Variants in RPL26L1 observed in about 807,000 individuals in gnomAD.
RPL26L1 encodes the protein ribosomal protein uL24-like.
RPL26L1 carries 8 observed loss-of-function variants against 15.2 expected under a neutral mutation model. The observed-to-expected ratio is 0.53, with a 90% CI of 0.31 to 0.95. The LOEUF is 0.95. RPL26L1 is among the 40% of genes least tolerant of loss of function. The pLI, the probability that RPL26L1 is intolerant of heterozygous loss-of-function variation, is 0.05. For missense variants in RPL26L1, 146 were observed against 190.9 expected, an observed-to-expected ratio of 0.76 and a Z score of 1.39; for synonymous variants, 51 against 65.9, an observed-to-expected ratio of 0.77 and a Z score of 1.09.
intron 2 of RPL26L1, among the ~76,000 whole-genome samples, chr5:172,966,369 C>T (rs1241067984): frequency 1.8e-5 from 2 of 108,300 alleles, no homozygotes; most frequent in African/African-American, 6.6e-5. Flanking sequence ...GCTATGTTGC[C>T]TCGGCTGGTC....
At chr5:172,966,152 A>T (rs1477727389) in intron 2 of RPL26L1, among the ~76,000 whole-genome samples, 3 of 150,940 alleles carry the variant, frequency 2.0e-5, no homozygotes, top group Non-Finnish European at 4.4e-5. Context: ...TTTTTATTTT[A>T]TTTTATTTTG....
chr5:172,957,609 CAGTG>C (rs749787609), upstream of RPL26L1: 13 of 260,842 alleles, frequency 5.0e-5, no homozygotes, highest in East Asian at 2.2e-4. Flanking sequence ...TAAACAGAAC[CAGTG>C]AGTGAGTGAG....
upstream of RPL26L1, chr5:172,955,058 T>C (rs887288953): frequency 1.8e-5 from 8 of 453,158 alleles, no homozygotes; most frequent in Non-Finnish European, 3.5e-5. Context: ...GGGTGAAACC[T>C]GGGAAGAGGG....
At chr5:172,965,472 C>T (rs1297795612) in intron 2 of RPL26L1, among the ~76,000 whole-genome samples, 2 of 152,190 alleles carry the variant, frequency 1.3e-5, no homozygotes, top group Non-Finnish European at 2.9e-5. Context: ...ACTGTCTTTT[C>T]TCACCTTCAC....
At chr5:172,956,127 C>T (rs538704912), upstream of RPL26L1, 1 of 152,240 alleles carries the variant, frequency 6.6e-6, no homozygotes, top group East Asian at 1.9e-4. Context: ...AACACAGGCT[C>T]ATAAGCCCAC....
intron 2 of RPL26L1, 99 bp downstream of exon 2, chr5:172,960,140 G>A: frequency 1.4e-6 from 2 of 1,408,246 alleles, no homozygotes; most frequent in South Asian, 2.3e-5. Context: ...ACTCTGGAAA[G>A]TAGTGTGACC....
chr5:172,968,660 A>G, intron 3 of RPL26L1, 61 bp downstream of exon 3: 1 of 1,606,290 alleles, frequency 6.2e-7, no homozygotes, highest in Non-Finnish European at 8.5e-7. Context: ...GTTCAAAGTT[A>G]TTGGTGTTTT....
intron 3 of RPL26L1, among the ~76,000 whole-genome samples, chr5:172,969,202 A>G (rs534866744): frequency 3.9e-5 from 6 of 152,250 alleles, no homozygotes; most frequent in African/African-American, 1.4e-4. Context: ...GAGAGAATAT[A>G]TCTTCCTGTA....
chr5:172,959,293 C>A, upstream of RPL26L1: 1 of 852,302 alleles, frequency 1.2e-6, no homozygotes, highest in Non-Finnish European at 1.4e-6. Flanking sequence ...TACTCACTGG[C>A]ATCGCCCTCC....
chr5:172,958,089 A>AC (rs922379954), upstream of RPL26L1: 10 of 296,616 alleles, frequency 3.4e-5, no homozygotes, highest in East Asian at 7.5e-4. Context: ...ACATGGAGAA[A>AC]CCCCGTCTCT....
chr5:172,967,756 A>G (rs1178338900), intron 2 of RPL26L1, among the ~76,000 whole-genome samples: 1 of 117,826 alleles, frequency 8.5e-6, no homozygotes, highest in Non-Finnish European at 1.8e-5. Flanking sequence ...GTGTGTGTAT[A>G]TATACATATA....
upstream of RPL26L1, chr5:172,958,518 C>G (rs1302369683): frequency 2.3e-5 from 10 of 434,348 alleles, no homozygotes; most frequent in East Asian, 7.2e-4. Context: ...TAGAATAAAC[C>G]CCGTCGGTTC....
At chr5:172,959,728 T>TCCTC (rs942170602) in intron 1 of RPL26L1, 137 bp from the exon 2 acceptor site, 2 of 1,155,052 alleles carry the variant, frequency 1.7e-6, no homozygotes, top group Admixed American at 4.0e-5. Flanking sequence ...CATCTCTCTG[T>TCCTC]CCTCCCTCAG....
At chr5:172,962,218 TTTGGCAGGCTGGGCATG>T (rs1755256290) in intron 2 of RPL26L1, among the ~76,000 whole-genome samples, 1 of 152,160 alleles carries the variant, frequency 6.6e-6, no homozygotes, top group South Asian at 2.1e-4. Flanking sequence ...ATTTAAAACC[TTTGGCAGGCTGGGCATG>T]ATGGCTCACG....
upstream of RPL26L1, chr5:172,955,066 G>A (rs1172988304): frequency 4.4e-6 from 2 of 455,522 alleles, no homozygotes; most frequent in East Asian, 7.0e-5. Flanking sequence ...CCTGGGAAGA[G>A]GGGGTGAAAC....
At chr5:172,960,455 C>G (rs562421311) in intron 2 of RPL26L1, among the ~76,000 whole-genome samples, 2 of 152,162 alleles carry the variant, frequency 1.3e-5, no homozygotes, top group South Asian at 4.2e-4. Flanking sequence ...TGCTAGTTTG[C>G]CAAGTGTTGT....
intron 2 of RPL26L1, among the ~76,000 whole-genome samples, chr5:172,966,980 C>T (rs1340449040): frequency 2.6e-5 from 4 of 151,828 alleles, no homozygotes; most frequent in South Asian, 2.1e-4. Context: ...CTCAGCCCCC[C>T]GAGTAGCTGG....
At chr5:172,966,051 C>G (rs192391333) in intron 2 of RPL26L1, among the ~76,000 whole-genome samples, 2 of 152,330 alleles carry the variant, frequency 1.3e-5, no homozygotes, top group Non-Finnish European at 2.9e-5. Context: ...TCTAGTCGAC[C>G]AGCCGACTTA....
At chr5:172,957,962 G>A (rs191504771), upstream of RPL26L1, 10 of 203,406 alleles carry the variant, frequency 4.9e-5, no homozygotes, top group East Asian at 1.1e-3. Context: ...GAAGGGCCCG[G>A]AATAAAACCT....
Sources: gnomAD v4.1 joint callset for allele counts (sites outside exome capture counted in the v4.1 genomes callset) on GRCh38, gnomAD v4.1.1 for gene constraint, MANE v1.5 for transcripts, NCBI Gene and HGNC (gene_info 2026-07-23, HGNC 2026-07-21) for gene names.